Variants in SLC6A6 observed in about 807,000 individuals in gnomAD.
SLC6A6 encodes the protein solute carrier family 6 member 6, also known as sodium- and chloride-dependent taurine transporter.
Under a neutral mutation model 68.8 loss-of-function variants are expected in SLC6A6, and 16 were observed. The ratio of observed to expected loss-of-function variants is 0.23; its 90% CI spans 0.16 to 0.35. SLC6A6 has a LOEUF of 0.35. SLC6A6 is among the 10% of genes least tolerant of loss of function. The pLI is 1.00. For synonymous variants in SLC6A6, 312 were observed against 315.4 expected (o/e 0.99, Z 0.12); for missense variants, 474 against 802.8 (o/e 0.59, Z 4.95).
chr3:14,467,502 G>T (rs999693206), intron 7 of SLC6A6, among the ~76,000 whole-genome samples: 1 of 152,190 alleles, frequency 6.6e-6, no homozygotes, highest in Non-Finnish European at 1.5e-5. Flanking sequence ...TAGCTCTATG[G>T]GGTAGGGCAA....
intron 5 of SLC6A6, among the ~76,000 whole-genome samples, chr3:14,452,042 C>G (rs1423707089): frequency 6.6e-6 from 1 of 152,198 alleles, no homozygotes; most frequent in Non-Finnish European, 1.5e-5. Context: ...TCAGTAGTCT[C>G]TGGAAGTCAG....
intron 6 of SLC6A6, among the ~76,000 whole-genome samples, chr3:14,463,610 G>GCGCCTGGC (rs1429742909): frequency 3.9e-5 from 6 of 152,382 alleles, no homozygotes; most frequent in African/African-American, 9.6e-5. Context: ...ACTGGTCGGG[G>GCGCCTGGC]CGCCTGGCCG....
At chr3:14,464,268 G>C (rs1234586202) in intron 6 of SLC6A6, among the ~76,000 whole-genome samples, 2 of 152,160 alleles carry the variant, frequency 1.3e-5, no homozygotes, top group Non-Finnish European at 2.9e-5. Context: ...TGCCAGTTGT[G>C]GGAGGCTTTT....
At chr3:14,447,112 C>T (rs1350644570) in intron 4 of SLC6A6, among the ~76,000 whole-genome samples, 1 of 152,138 alleles carries the variant, frequency 6.6e-6, no homozygotes, top group African/African-American at 2.4e-5. Flanking sequence ...ATCTATCCAT[C>T]AATCCAACAT....
chr3:14,484,752 G>A, intron 14 of SLC6A6, 115 bp from the exon 15 acceptor site: 1 of 1,066,082 alleles, frequency 9.4e-7, no homozygotes, highest in South Asian at 1.5e-5. Context: ...GAGGGTGTGA[G>A]TTTACCAAAA....
chr3:14,483,921 C>A (rs766433767), intron 14 of SLC6A6, among the ~76,000 whole-genome samples: 1 of 152,048 alleles, frequency 6.6e-6, no homozygotes, highest in African/African-American at 2.4e-5. Context: ...TGACCTTGAG[C>A]GATCCTCCTG....
intron 2 of SLC6A6, among the ~76,000 whole-genome samples, chr3:14,437,637 C>G (rs547114608): frequency 4.3e-4 from 66 of 152,236 alleles, no homozygotes; most frequent in Non-Finnish European, 7.8e-4. Flanking sequence ...AAAATCTACT[C>G]TCAACAGTTT....
chr3:14,475,522 A>C (rs1700856660), intron 10 of SLC6A6, among the ~76,000 whole-genome samples: 1 of 152,172 alleles, frequency 6.6e-6, no homozygotes, highest in Non-Finnish European at 1.5e-5. Flanking sequence ...TTTCACGGAG[A>C]GGCAAGTGAG....
At position 14,468,111 on chromosome 3, in the gene SLC6A6, T is replaced by C; in HGVS notation, c.995T>C (p.Leu332Pro). 2 of 1,614,202 alleles carry C rather than the reference T, an allele frequency of 1.2e-6. No individual in the cohort carries two copies. Among genetic ancestry groups the C allele is most frequent in the Non-Finnish European group, 8.5e-7 (1 of 1,180,014 alleles). Residue 332 changes from leucine to proline, a missense_variant, in exon 9 of 15, where the codon CTG becomes CCG. Physicochemically the swap from Leu to Pro is moderately conservative, Grantham distance 98. Around this residue, in one of 2 missense-constraint regions of SLC6A6, gnomAD observed 280 missense variants for 533.1 expected, o/e 0.53. Coordinates refer to ENST00000622186, the MANE Select transcript of SLC6A6 (RefSeq NM_003043.6). The surrounding 1 kb of genome is among the most constrained non-coding windows in gnomAD (Gnocchi z 4.5). ...SYRDCMLLGC[L>P]NSGTSFVSGF... ...AGGGACTGTATGCTGCTGGGATGCC[T>C]GAACAGTGGTACCAGTTTTGTGTCT... is the stretch of plus-strand genomic sequence containing the variant.
Position 14,450,284 on chromosome 3 carries a change from C to T in SLC6A6, c.599+2468C>T, listed in dbSNP as rs563072253. Reference sequence around the variant, plus strand: ...CCTCACTCACACCTTCCAGAGGGACCGGGCCCTCGGGGGTATTCTGGGACC... The same window carrying T: ...CCTCACTCACACCTTCCAGAGGGACTGGGCCCTCGGGGGTATTCTGGGACC... On this transcript the variant is annotated intron_variant, in intron 5 of 14. Coordinates refer to ENST00000622186, the MANE Select transcript of SLC6A6 (RefSeq NM_003043.6). This position sits in a 1 kb window ranked among gnomAD's most constrained non-coding sequence, Gnocchi z 4.1. Among the ~76,000 whole-genome samples, 13 of 152,180 alleles carry T rather than the reference C, an allele frequency of 8.5e-5. 1 individual carries two copies. In the South Asian group the frequency reaches 1.9e-3, roughly 22 times the overall value.
chr3:14,464,460 T>C (rs1359268475), intron 6 of SLC6A6, among the ~76,000 whole-genome samples: 1 of 152,174 alleles, frequency 6.6e-6, no homozygotes, highest in African/African-American at 2.4e-5. Context: ...GTCACAGCAT[T>C]TGGAACAGTG....
intron 5 of SLC6A6, chr3:14,448,072 AGAAT>A (rs1297860124): frequency 1.7e-6 from 2 of 1,206,030 alleles, no homozygotes; most frequent in Non-Finnish European, 1.1e-6. Context: ...TAAGATAAAA[AGAAT>A]GAATCATTAC....
At position 14,475,194 on chromosome 3, in the gene SLC6A6, G is replaced by A. The variant is rs547001628; in HGVS notation, c.1210-2011G>A. The stretch of plus-strand genomic sequence containing the variant: ...TTACAGGCATGTGCCACCATACCTG[G>A]CTAATTTTTTTTTTTTTTGTAGAAA... On this transcript the variant is annotated intron_variant, in intron 10 of 14. Coordinates refer to ENST00000622186, the MANE Select transcript of SLC6A6 (RefSeq NM_003043.6). 1.5e-3 allele frequency among the ~76,000 whole-genome samples: 221 copies of A among 152,162 alleles called. 7 individuals are homozygous for A. In the South Asian group the frequency reaches 0.045, roughly 31 times the overall value.
chr3:14,462,101 C>CTGG (rs1399239712), intron 6 of SLC6A6, among the ~76,000 whole-genome samples: 3 of 152,226 alleles, frequency 2.0e-5, no homozygotes, highest in Admixed American at 2.0e-4. Flanking sequence ...GCAAGGCCTG[C>CTGG]TGGGCCACCA....
intron 5 of SLC6A6, among the ~76,000 whole-genome samples, chr3:14,457,210 T>A (rs1700389117): frequency 6.6e-6 from 1 of 152,096 alleles, no homozygotes; most frequent in South Asian, 2.1e-4. Flanking sequence ...CTGGGCAGGG[T>A]TGGTGACTGT....
chr3:14,481,308 AG>A lies in SLC6A6; in HGVS notation c.1552-362del, dbSNP rs1159022850. Among the ~76,000 whole-genome samples the A allele has an allele frequency of 5.3e-5, 8 of 152,178 alleles. No homozygotes were observed. The highest frequency in any genetic ancestry group is 1.9e-4 in the African/African-American group (8 of 41,442). The stretch of plus-strand genomic sequence containing the variant: ...CAGCCCATGCCAAGACCCAGAGTTC[AG>A]TGACAGAGGAGCTAGAAGGAATTCT... On this transcript the variant is annotated intron_variant, in intron 13 of 14. Coordinates refer to ENST00000622186, the MANE Select transcript of SLC6A6 (RefSeq NM_003043.6). The surrounding 1 kb of genome is among the most constrained non-coding windows in gnomAD (Gnocchi z 4.7).
chr3:14,469,992 G>A (rs961273866), intron 9 of SLC6A6, among the ~76,000 whole-genome samples: 12 of 152,144 alleles, frequency 7.9e-5, no homozygotes, highest in African/African-American at 2.9e-4. Flanking sequence ...ACGCCCCTTA[G>A]GGAGTTTGGC....
intron 2 of SLC6A6, among the ~76,000 whole-genome samples, chr3:14,421,880 C>T (rs1020143049): frequency 3.3e-5 from 5 of 152,176 alleles, no homozygotes; most frequent in African/African-American, 4.8e-5. Context: ...GCAGGTGCCT[C>T]CTCTCTGGCC....
Position 14,485,086 on chromosome 3 carries a change from C to T in SLC6A6, c.*79C>T. ...TTCTCATAGGACCAGGTTTACAGAGCTTTATATTTGCACTAGGATTTTTTT... is the reference window on the plus strand; with the variant it reads ...TTCTCATAGGACCAGGTTTACAGAGTTTTATATTTGCACTAGGATTTTTTT... On this transcript the variant is annotated 3_prime_UTR_variant, in exon 15 of 15. Coordinates refer to ENST00000622186, the MANE Select transcript of SLC6A6 (RefSeq NM_003043.6). 7.9e-7 allele frequency: 1 copy of T among 1,267,876 alleles called. No individual in the cohort carries two copies. The highest frequency in any genetic ancestry group is 1.1e-6 in the Non-Finnish European group (1 of 934,406). 78.5% of individuals were successfully genotyped at this position (1,267,876 alleles called of 1,614,324 possible).
Sources: allele counts gnomAD v4.1 joint callset (sites outside exome capture counted in the v4.1 genomes callset), GRCh38; gene constraint gnomAD v4.1.1; regional missense constraint gnomAD v4.1.1; non-coding constraint Gnocchi (gnomAD v3.1); transcripts MANE v1.5; gene names NCBI Gene and HGNC (gene_info 2026-07-23, HGNC 2026-07-21).